MARK1: variants seen among roughly 807,000 people sequenced by gnomAD.
MARK1 encodes the protein microtubule affinity regulating kinase 1.
In MARK1, 40 loss-of-function variants were observed where a neutral mutation model predicts 96.3. That is an observed-to-expected ratio of 0.42 (90% CI 0.32 to 0.54). The LOEUF (loss-of-function observed/expected upper bound fraction) is 0.54. Ranked by LOEUF, MARK1 falls within the 20% of genes least tolerant of loss-of-function variation. The pLI, the probability that MARK1 is intolerant of heterozygous loss-of-function variation, is 0.16. For missense variants in MARK1, 719 were observed against 984.6 expected (o/e 0.73, Z 3.61); for synonymous variants, 317 against 341.2 (o/e 0.93, Z 0.78).
chr1:220,636,004 A>G lies in MARK1; in HGVS notation c.1448A>G (p.Lys483Arg). ...AGCCCTCTTGTAGGGCCAGAGAGGAAAAAATCTTCAACTATTCCAAGTGTG... is the reference window on the plus strand; with the variant it reads ...AGCCCTCTTGTAGGGCCAGAGAGGAGAAAATCTTCAACTATTCCAAGTGTG... The part of the protein sequence containing the change: ...TASPLVGPER[K>R]KSSTIPSNNV... Residue 483 changes from lysine (K) to arginine (R), a missense_variant, in exon 13 of 18, where the codon AAA becomes AGA. By Grantham distance (26) the Lys-to-Arg change is conservative. Coordinates refer to ENST00000366917, the MANE Select transcript of MARK1 (RefSeq NM_018650.5). The G allele has an allele frequency of 1.2e-6, 2 of 1,611,514 alleles. No individual in the cohort carries two copies. The highest frequency in any genetic ancestry group is 8.5e-7 in the Non-Finnish European group (1 of 1,179,064).
At chr1:220,544,831 A>G (rs1413240814) in intron 1 of MARK1, among the ~76,000 whole-genome samples, 1 of 152,232 alleles carries the variant, frequency 6.6e-6, no homozygotes, top group African/African-American at 2.4e-5. Flanking sequence ...GGGATCAGCA[A>G]TGCTGCTTTC....
intron 1 of MARK1, among the ~76,000 whole-genome samples, chr1:220,555,673 T>A (rs1031390764): frequency 6.6e-6 from 1 of 152,186 alleles, no homozygotes; most frequent in African/African-American, 2.4e-5. Flanking sequence ...TATTTGGAAA[T>A]TAAGTTATGT....
chr1:220,541,027 CG>C (rs1302648693), intron 1 of MARK1, among the ~76,000 whole-genome samples: 1 of 151,710 alleles, frequency 6.6e-6, no homozygotes, highest in African/African-American at 2.4e-5. Flanking sequence ...TCTGCTTCCT[CG>C]GTTCAAGTGA....
At chr1:220,627,725 G>A (rs1235166464) in intron 9 of MARK1, 1 of 158,668 alleles carries the variant, frequency 6.3e-6, no homozygotes. Context: ...ATACTTTCAT[G>A]CAACCATAAG....
intron 1 of MARK1, among the ~76,000 whole-genome samples, chr1:220,529,906 A>T (rs1660195563): frequency 6.6e-6 from 1 of 152,140 alleles, no homozygotes; most frequent in Non-Finnish European, 1.5e-5. Context: ...GAGGGGTACT[A>T]AGTTTTGGTC....
chr1:220,565,430 T>G (rs556927469), intron 1 of MARK1, among the ~76,000 whole-genome samples: 6 of 152,282 alleles, frequency 3.9e-5, no homozygotes, highest in African/African-American at 1.4e-4. Flanking sequence ...ATAATCTTGA[T>G]TTGTTGAAGT....
At chr1:220,616,095 T>C in intron 7 of MARK1, 100 bp downstream of exon 7, 1 of 558,544 alleles carries the variant, frequency 1.8e-6, no homozygotes, top group Non-Finnish European at 3.1e-6. Flanking sequence ...CTAACTGTGC[T>C]GCTGGACACT....
chr1:220,649,239 T>TG (rs371147463), intron 13 of MARK1, among the ~76,000 whole-genome samples: 1,850 of 150,042 alleles, frequency 0.012, 13 homozygotes, highest in Middle Eastern at 0.027. Context: ...TTTTTTTTTT[T>TG]GGGGGACAGG....
At chr1:220,579,077 A>G (rs1384837661) in intron 1 of MARK1, among the ~76,000 whole-genome samples, 1 of 152,082 alleles carries the variant, frequency 6.6e-6, no homozygotes, top group Admixed American at 6.6e-5. Flanking sequence ...CCTGACCTCA[A>G]GTGAACCGCC....
chr1:220,539,794 T>C (rs1661007096), intron 1 of MARK1, among the ~76,000 whole-genome samples: 1 of 152,060 alleles, frequency 6.6e-6, no homozygotes. Flanking sequence ...TTCCTGAGAA[T>C]TTTTATATTG....
At chr1:220,608,554 C>T (rs1259564404) in intron 6 of MARK1, among the ~76,000 whole-genome samples, 1 of 152,098 alleles carries the variant, frequency 6.6e-6, no homozygotes, top group African/African-American at 2.4e-5. Context: ...GTCTCAATCT[C>T]CTTCAATCCT....
chr1:220,573,545 G>A (rs964119704), intron 1 of MARK1, among the ~76,000 whole-genome samples: 22 of 151,882 alleles, frequency 1.4e-4, no homozygotes, highest in African/African-American at 5.1e-4. Context: ...GGATGGTCTC[G>A]ATCTCCTGAC....
At chr1:220,535,719 T>A (rs1660639194) in intron 1 of MARK1, among the ~76,000 whole-genome samples, 1 of 152,130 alleles carries the variant, frequency 6.6e-6, no homozygotes, top group African/African-American at 2.4e-5. Context: ...CCAGTGTCAT[T>A]CTTTTGCATA....
At chr1:220,560,175 C>T (rs1050230741) in intron 1 of MARK1, among the ~76,000 whole-genome samples, 5 of 151,910 alleles carry the variant, frequency 3.3e-5, no homozygotes, top group Admixed American at 2.6e-4. Context: ...GGGGAAACTG[C>T]CCCCCCATGA....
intron 1 of MARK1, among the ~76,000 whole-genome samples, chr1:220,561,530 A>G (rs929414046): frequency 1.3e-5 from 2 of 152,222 alleles, no homozygotes; most frequent in South Asian, 4.1e-4. Flanking sequence ...AGAGGGATAC[A>G]TGAAAAGTTA....
intron 14 of MARK1, among the ~76,000 whole-genome samples, chr1:220,651,005 A>G (rs541372949): frequency 4.6e-5 from 7 of 152,262 alleles, no homozygotes; most frequent in African/African-American, 1.4e-4. Context: ...TCCTAATTTC[A>G]TCTTCATAAT....
chr1:220,581,071 G>A lies in MARK1; in HGVS notation c.262G>A (p.Val88Met), dbSNP rs749689484. The A allele has an allele frequency of 6.0e-5, 77 of 1,277,326 alleles. No homozygotes were observed. The highest frequency in any genetic ancestry group is 7.7e-5 in the Non-Finnish European group (74 of 960,356). 79.1% of individuals were successfully genotyped at this position (1,277,326 alleles called of 1,614,324 possible). Residue 88 changes from valine to methionine, a missense_variant, in exon 3 of 18, where the codon GTG (valine) becomes ATG (methionine). Val to Met is a conservative substitution (Grantham distance 21, BLOSUM62 1). This residue lies in a region of MARK1 where 105 missense variants were observed against 133.4 expected (regional missense o/e 0.79). Coordinates refer to ENST00000366917, the MANE Select transcript of MARK1 (RefSeq NM_018650.5). Reference sequence around the variant, plus strand: ...AATGATTCTTCTTTTTTAGGTTGCTGTGAAAATAATAGACAAAACTCAGCT... The same window carrying A: ...AATGATTCTTCTTTTTTAGGTTGCTATGAAAATAATAGACAAAACTCAGCT... Reference protein sequence around the residue: ...RHVLTGREVAVKIIDKTQLNP... With the variant: ...RHVLTGREVAMKIIDKTQLNP...
At chr1:220,623,945 A>G (rs141479990) in intron 9 of MARK1, among the ~76,000 whole-genome samples, 136 of 152,276 alleles carry the variant, frequency 8.9e-4, no homozygotes, top group African/African-American at 3.2e-3. Flanking sequence ...CCACACTTCA[A>G]GTTGTTCTTT....
chr1:220,566,765 A>G (rs914574316), intron 1 of MARK1, among the ~76,000 whole-genome samples: 1 of 152,172 alleles, frequency 6.6e-6, no homozygotes, highest in African/African-American at 2.4e-5. Flanking sequence ...AGTAGTTTCT[A>G]TCTACTTAGT....
Sources: allele counts gnomAD v4.1 joint callset (sites outside exome capture counted in the v4.1 genomes callset), GRCh38; gene constraint gnomAD v4.1.1; regional missense constraint gnomAD v4.1.1; transcripts MANE v1.5; gene names NCBI Gene and HGNC (gene_info 2026-07-23, HGNC 2026-07-21).